CD99L2: variants seen among roughly 807,000 people sequenced by gnomAD.
The protein encoded by CD99L2 is CD99 antigen-like protein 2.
CD99L2 carries 24 observed loss-of-function variants against 27.3 expected under a neutral mutation model. The ratio of observed to expected loss-of-function variants is 0.88; its 90% CI spans 0.64 to 1.24. The LOEUF (loss-of-function observed/expected upper bound fraction) is 1.24, where lower values mean the gene tolerates loss of function less well. Ranked by LOEUF, CD99L2 falls within the 50% of genes most tolerant of loss-of-function variation. The pLI, the probability that CD99L2 is intolerant of heterozygous loss-of-function variation, is 0.00. For missense variants in CD99L2, 255 were observed against 221.6 expected (o/e 1.15, Z -0.96); for synonymous variants, 97 against 87.9 (o/e 1.10, Z -0.58).
In CD99L2 at chrX:150,893,169, C is replaced by A. The variant is rs143920228; in HGVS notation, c.67+5353G>T. ...AATAATGGAAGGGATAGGGATGTGA[C>A]CTATGACAGCAAGGAAAAGGCTGAA... On this transcript the variant is annotated intron_variant, in intron 1 of 10. Transcript: ENST00000370377. 3.6e-5 allele frequency among the ~76,000 whole-genome samples: 4 copies of A among 111,924 alleles called. No homozygotes were observed. The East Asian group carries it at 1.1e-3, about 31-fold the overall frequency.
At chrX:150,853,523 G>A (rs1389633517) in intron 1 of CD99L2, among the ~76,000 whole-genome samples, 2 of 111,281 alleles carry the variant, frequency 1.8e-5, no homozygotes, top group African/African-American at 6.6e-5. Flanking sequence ...CATAGTGTTC[G>A]ATAAGCGTGC....
chrX:150,783,339 A>G (rs186839194), intron 7 of CD99L2, among the ~76,000 whole-genome samples: 288 of 111,468 alleles, frequency 2.6e-3, no homozygotes, highest in Non-Finnish European at 4.3e-3. Context: ...TCAACAGGCT[A>G]CATTTGGAGG....
chrX:150,782,558 G>A (rs974502894), intron 7 of CD99L2, among the ~76,000 whole-genome samples: 2 of 112,278 alleles, frequency 1.8e-5, no homozygotes, highest in Admixed American at 9.4e-5. Flanking sequence ...CCATGTTCAC[G>A]CCGTGTTCCC....
At chrX:150,785,184 G>A (rs1382528331) in intron 7 of CD99L2, among the ~76,000 whole-genome samples, 1 of 109,987 alleles carries the variant, frequency 9.1e-6, no homozygotes, top group African/African-American at 3.3e-5. Flanking sequence ...CAGACTAAGG[G>A]GCTTGAACTT....
At chrX:150,802,376 C>T (rs1213618640) in intron 4 of CD99L2, among the ~76,000 whole-genome samples, 2 of 108,878 alleles carry the variant, frequency 1.8e-5, no homozygotes, top group Non-Finnish European at 3.8e-5. Context: ...CCAGCCTGGG[C>T]AACATGGTGA....
intron 10 of CD99L2, among the ~76,000 whole-genome samples, chrX:150,769,630 T>C (rs1301502448): frequency 1.8e-5 from 2 of 109,774 alleles, no homozygotes; most frequent in African/African-American, 6.6e-5. Flanking sequence ...GCTGCTGCAC[T>C]GTAGTTCCAC....
chrX:150,768,938 GAGCAGCAC>G lies in CD99L2; in HGVS notation c.*88_*95del. 9.2e-7 allele frequency: 1 copy of G among 1,091,609 alleles called. No individual in the cohort carries two copies. The highest frequency in any genetic ancestry group is 1.9e-5 in the African/African-American group (1 of 51,976). The allele number at this position is 1,091,609 out of a possible 1,213,427, so 90.0% of individuals were successfully genotyped here. On this transcript the variant is annotated 3_prime_UTR_variant, in exon 11 of 11. Coordinates refer to ENST00000370377, the MANE Select transcript of CD99L2 (RefSeq NM_031462.4). ...AGACCAACAAGGAGCCGATGGCACAGAGCAGCACAGCAGCTGCGGGTCCAAATGAAGGG... is the reference window on the plus strand; with the variant it reads ...AGACCAACAAGGAGCCGATGGCACAGAGCAGCTGCGGGTCCAAATGAAGGG...
intron 5 of CD99L2, 46 bp from the exon 6 acceptor site, chrX:150,795,335 A>G: frequency 4.1e-6 from 5 of 1,206,913 alleles, no homozygotes; most frequent in Non-Finnish European, 5.6e-6. Flanking sequence ...TAGTTCATCT[A>G]TGGGTAGCTC....
chrX:150,812,909 T>C lies in CD99L2; in HGVS notation c.277+1953A>G, dbSNP rs1352479103. ...GAATGGATGCCAACTGAATTATACA[T>C]GAAAAAGGCCAATTCCAAAGGGTTA... is the stretch of plus-strand genomic sequence containing the variant. On this transcript the variant is annotated intron_variant, in intron 4 of 10. Transcript: ENST00000370377. Among the ~76,000 whole-genome samples, 6 of 111,945 alleles carry C rather than the reference T, an allele frequency of 5.4e-5. No homozygotes were observed. In the South Asian group the frequency reaches 1.1e-3, roughly 21 times the overall value.
At chrX:150,769,268 C>T (rs2043369267) in intron 10 of CD99L2, among the ~76,000 whole-genome samples, 167 bp from the exon 11 acceptor site, 1 of 112,104 alleles carries the variant, frequency 8.9e-6, no homozygotes, top group African/African-American at 3.2e-5. Context: ...TTGGGCCGGT[C>T]AAGGGGAGAG....
At chrX:150,845,937 T>C (rs1279269869) in intron 1 of CD99L2, among the ~76,000 whole-genome samples, 1 of 112,181 alleles carries the variant, frequency 8.9e-6, no homozygotes, top group Non-Finnish European at 1.9e-5. Flanking sequence ...ACGCCTGTAA[T>C]CCTAGCACTT....
chrX:150,767,828 C>T lies in CD99L2; in HGVS notation c.*1206G>A, dbSNP rs1200427898. ...TAGACCCTAGCATGTGGTTCTGTCC[C>T]GTGAGCCTCTGACAACAGAGCTCAC... On this transcript the variant is annotated 3_prime_UTR_variant, in exon 11 of 11. Transcript: ENST00000370377. 2 of 111,367 alleles carry T rather than the reference C, an allele frequency of 1.8e-5. No individual in the cohort carries two copies. Among genetic ancestry groups the T allele is most frequent in the South Asian group, 3.8e-4 (1 of 2,632 alleles). The allele number at this position is 111,367 out of a possible 1,213,427, so 9.2% of individuals were successfully genotyped here.
chrX:150,850,494 C>T (rs1557421571), intron 1 of CD99L2, among the ~76,000 whole-genome samples: 1 of 112,119 alleles, frequency 8.9e-6, no homozygotes, highest in African/African-American at 3.2e-5. Context: ...CACATAGAAA[C>T]AAATATTACA....
chrX:150,803,798 TAA>T (rs1341935836), intron 4 of CD99L2, among the ~76,000 whole-genome samples: 1 of 111,982 alleles, frequency 8.9e-6, no homozygotes, highest in Non-Finnish European at 1.9e-5. Context: ...TACTTAAATA[TAA>T]AGTTATGAAA....
chrX:150,858,259 C>T (rs781858336), intron 1 of CD99L2, among the ~76,000 whole-genome samples: 4 of 111,988 alleles, frequency 3.6e-5, no homozygotes, highest in Admixed American at 9.4e-5. Context: ...GACTCAAATA[C>T]GATAATGGTG....
At chrX:150,880,976 A>G (rs897478931) in intron 1 of CD99L2, among the ~76,000 whole-genome samples, 5 of 111,272 alleles carry the variant, frequency 4.5e-5, no homozygotes, top group Non-Finnish European at 9.4e-5. Flanking sequence ...ATGTACTTCA[A>G]TGCTTGAGGG....
chrX:150,838,936 T>C lies in CD99L2; in HGVS notation c.68-7643A>G, dbSNP rs1203043464. ...AAAAAAATGGGGGGGGGGGTGTAAA[T>C]AGGCTAAATCTCCCATTACAAGACA... On this transcript the variant is annotated intron_variant, in intron 1 of 10. Transcript: ENST00000370377. 5.4e-5 allele frequency among the ~76,000 whole-genome samples: 3 copies of C among 55,105 alleles called. No homozygotes were observed. The East Asian group carries it at 1.8e-3, about 32-fold the overall frequency. The allele number at this position is 55,105 out of a possible 115,157, so 47.9% of individuals were successfully genotyped here. A position where few individuals can be genotyped will look rare whatever the true frequency, so the allele number is the denominator to read the frequency against.
At chrX:150,818,410 C>T (rs2046197614) in intron 2 of CD99L2, among the ~76,000 whole-genome samples, 1 of 109,949 alleles carries the variant, frequency 9.1e-6, no homozygotes, top group African/African-American at 3.3e-5. Context: ...CTCTTCAGCA[C>T]AAACAAATTA....
intron 2 of CD99L2, among the ~76,000 whole-genome samples, chrX:150,824,493 GAAGA>G (rs1462056369): frequency 7.3e-4 from 58 of 79,830 alleles, no homozygotes; most frequent in African/African-American, 3.0e-3. Flanking sequence ...GAAAGAAGAA[GAAGA>G]AAGAAGAAGA....
Sources: allele counts gnomAD v4.1 joint callset (sites outside exome capture counted in the v4.1 genomes callset), GRCh38; gene constraint gnomAD v4.1.1; transcripts MANE v1.5; gene names NCBI Gene and HGNC (gene_info 2026-07-23, HGNC 2026-07-21).